Variants in PTER observed in about 807,000 individuals in gnomAD.
PTER encodes N-acetyltaurine hydrolase.
In PTER, 38 loss-of-function variants were observed where a neutral mutation model predicts 29.6. The observed-to-expected ratio is 1.28, with a 90% CI of 0.99 to 1.68. The LOEUF is 1.68. Ranked by LOEUF, PTER falls within the 40% of genes most tolerant of loss-of-function variation. PTER has a pLI of 0.00. For missense variants in PTER, 482 were observed against 427.8 expected (o/e 1.13, Z -1.12); for synonymous variants, 172 against 154.5 (o/e 1.11, Z -0.84).
intron 3 of PTER, among the ~76,000 whole-genome samples, chr10:16,504,097 C>CT (rs1335732430): frequency 1.3e-5 from 2 of 151,362 alleles, no homozygotes; most frequent in Admixed American, 6.6e-5. Context: ...TTTTCCTTCA[C>CT]TTTTTTTTTC....
chr10:16,509,733 G>A (rs985141645), intron 4 of PTER, among the ~76,000 whole-genome samples: 5 of 152,094 alleles, frequency 3.3e-5, no homozygotes, highest in Non-Finnish European at 7.3e-5. Context: ...CAGAACTTCA[G>A]GATAGTATAC....
At chr10:16,496,773 A>G (rs576615934) in intron 3 of PTER, among the ~76,000 whole-genome samples, 1 of 152,226 alleles carries the variant, frequency 6.6e-6, no homozygotes, top group South Asian at 2.1e-4. Flanking sequence ...GCTGATTGCA[A>G]GTAGGTGATC....
At chr10:16,456,052 G>A (rs1466946712) in intron 1 of PTER, among the ~76,000 whole-genome samples, 4 of 152,266 alleles carry the variant, frequency 2.6e-5, no homozygotes, top group East Asian at 1.9e-4. Flanking sequence ...GCTGTGATTT[G>A]CCATAACCAA....
At chr10:16,467,322 A>G (rs547163349) in intron 1 of PTER, among the ~76,000 whole-genome samples, 2 of 152,312 alleles carry the variant, frequency 1.3e-5, no homozygotes, top group Admixed American at 6.5e-5. Flanking sequence ...AAGTATGTAT[A>G]TATGGGACAA....
intron 1 of PTER, among the ~76,000 whole-genome samples, chr10:16,480,095 G>T (rs969116914): frequency 4.7e-5 from 7 of 149,060 alleles, no homozygotes; most frequent in Non-Finnish European, 8.9e-5. Flanking sequence ...AACAAGGGAT[G>T]TATGATAAGA....
intron 4 of PTER, among the ~76,000 whole-genome samples, chr10:16,508,945 C>G (rs1410166537): frequency 6.6e-6 from 1 of 152,214 alleles, no homozygotes; most frequent in African/African-American, 2.4e-5. Context: ...CAGAAGCACG[C>G]TTCTGCCTAC....
chr10:16,506,626 C>T (rs1330255794), intron 4 of PTER, among the ~76,000 whole-genome samples: 3 of 152,048 alleles, frequency 2.0e-5, no homozygotes, highest in African/African-American at 7.2e-5. Context: ...TGAAAGGATG[C>T]TTTCTCCATG....
At chr10:16,461,750 T>A (rs1834621284) in intron 1 of PTER, among the ~76,000 whole-genome samples, 1 of 152,192 alleles carries the variant, frequency 6.6e-6, no homozygotes, top group Non-Finnish European at 1.5e-5. Flanking sequence ...CAACAAAATT[T>A]TGATTTTGTC....
rs528902653 is a variant in PTER at position 16,502,909 on chromosome 10, A to C, written c.699-2111A>C. ...GAGGCTGAAGCAAGAGAATCACTTG[A>C]ACCCGAGAGGTGGAGGTTGCATTGA... On this transcript the variant is annotated intron_variant, in intron 3 of 4. Coordinates refer to ENST00000535784, the MANE Select transcript of PTER (RefSeq NM_001261836.2). Among the ~76,000 whole-genome samples, 19 of 149,958 alleles carry C rather than the reference A, an allele frequency of 1.3e-4. No homozygotes were observed. In the South Asian group the frequency reaches 4.1e-3, roughly 32 times the overall value.
At chr10:16,501,328 T>TACACACAC (rs35321143) in intron 3 of PTER, among the ~76,000 whole-genome samples, 106 of 117,232 alleles carry the variant, frequency 9.0e-4, no homozygotes, top group African/African-American at 1.9e-3. Context: ...AATGAATAAC[T>TACACACAC]ACACACACAC....
chr10:16,505,237 A>G, intron 4 of PTER, 77 bp downstream of exon 4: 1 of 1,534,166 alleles, frequency 6.5e-7, no homozygotes, highest in Non-Finnish European at 8.8e-7. Context: ...AAGTATTAGC[A>G]AAGATTCAGA....
At chr10:16,442,339 G>C (rs904091358) in intron 1 of PTER, among the ~76,000 whole-genome samples, 6 of 152,220 alleles carry the variant, frequency 3.9e-5, no homozygotes, top group African/African-American at 1.4e-4. Flanking sequence ...TGAAAGGTTA[G>C]ATGTTATCAG....
At chr10:16,485,330 C>T (rs1039475879) in intron 2 of PTER, among the ~76,000 whole-genome samples, 1 of 152,114 alleles carries the variant, frequency 6.6e-6, no homozygotes, top group Non-Finnish European at 1.5e-5. Flanking sequence ...AAAATTCATT[C>T]CCCTGTGTTT....
At chr10:16,485,904 G>A (rs1459457528) in intron 2 of PTER, among the ~76,000 whole-genome samples, 1 of 152,102 alleles carries the variant, frequency 6.6e-6, no homozygotes, top group Non-Finnish European at 1.5e-5. Context: ...AGTCCAGCCT[G>A]AGTAACATGG....
chr10:16,455,119 T>C (rs145592585), intron 1 of PTER, among the ~76,000 whole-genome samples: 1,710 of 151,960 alleles, frequency 0.011, 8 homozygotes, highest in Middle Eastern at 0.021. Context: ...GTCCCAGCTA[T>C]TAGGGAGGCT....
At chr10:16,443,936 G>A (rs146256796) in intron 1 of PTER, among the ~76,000 whole-genome samples, 2,321 of 151,742 alleles carry the variant, frequency 0.015, 19 homozygotes, top group Middle Eastern at 0.031. Context: ...CAATTATCAC[G>A]ATACTATCAA....
intron 1 of PTER, among the ~76,000 whole-genome samples, chr10:16,464,762 G>A (rs193197369): frequency 3.9e-5 from 6 of 152,250 alleles, no homozygotes; most frequent in Non-Finnish European, 5.9e-5. Flanking sequence ...TGTCCACACC[G>A]ATCTCACAGG....
chr10:16,510,458 G>A (rs936896427), intron 4 of PTER, among the ~76,000 whole-genome samples: 1 of 152,174 alleles, frequency 6.6e-6, no homozygotes, highest in Admixed American at 6.5e-5. Flanking sequence ...CTTCAAAGGG[G>A]CAAATGGTTA....
intron 1 of PTER, among the ~76,000 whole-genome samples, chr10:16,477,672 C>G (rs186508088): frequency 1.1e-4 from 16 of 152,256 alleles, no homozygotes; most frequent in Admixed American, 1.3e-4. Context: ...GTTGCCCAAA[C>G]CCACACAGCT....
Sources: gnomAD v4.1 joint callset for allele counts (sites outside exome capture counted in the v4.1 genomes callset) on GRCh38, gnomAD v4.1.1 for gene constraint, MANE v1.5 for transcripts, NCBI Gene and HGNC (gene_info 2026-07-23, HGNC 2026-07-21) for gene names.